PCDHGA1: variants seen among roughly 807,000 people sequenced by gnomAD.
The protein encoded by PCDHGA1 is protocadherin gamma-A1.
A neutral mutation model predicts 58.0 loss-of-function variants in PCDHGA1; 32 were observed. That is an observed-to-expected ratio of 0.55 (90% CI 0.42 to 0.74). The LOEUF (loss-of-function observed/expected upper bound fraction) is 0.74. PCDHGA1 is among the 30% of genes least tolerant of loss of function. PCDHGA1 has a pLI of 0.00. For missense variants in PCDHGA1, 1,205 were observed against 1,182.3 expected (o/e 1.02, Z -0.28); for synonymous variants, 498 against 501.1 (o/e 0.99, Z 0.08).
At position 141,390,470 on chromosome 5, in the gene PCDHGA1, G is replaced by A; in HGVS notation, c.2421+57365G>A. On this transcript the variant is annotated intron_variant, in intron 1 of 3. Transcript: ENST00000517417. ...AGGAGTAAAGTAGGAGCAATTGTGTGGCCCAACATTTGTTTGTTTTTTAGC... is the reference window on the plus strand; with the variant it reads ...AGGAGTAAAGTAGGAGCAATTGTGTAGCCCAACATTTGTTTGTTTTTTAGC... 4.3e-6 allele frequency: 3 copies of A among 699,244 alleles called. No individual in the cohort carries two copies. In the South Asian group the frequency reaches 6.0e-5, roughly 14 times the overall value. The allele number at this position is 699,244 out of a possible 1,614,324, so 43.3% of individuals were successfully genotyped here.
At chr5:141,344,593 A>AG in intron 1 of PCDHGA1, 2 of 1,613,956 alleles carry the variant, frequency 1.2e-6, no homozygotes, top group South Asian at 2.2e-5. Context: ...AGCGTCTCTG[A>AG]GGGGGCCAAG....
intron 1 of PCDHGA1, chr5:141,422,357 C>G: frequency 6.4e-7 from 1 of 1,557,656 alleles, no homozygotes; most frequent in African/African-American, 1.4e-5. Flanking sequence ...GATCAAGATT[C>G]TGGAGAAAAT....
In PCDHGA1 at chr5:141,374,403, A is replaced by G. The variant is rs201390749; in HGVS notation, c.2421+41298A>G. 6.2e-4 allele frequency: 999 copies of G among 1,613,916 alleles called. 2 individuals are homozygous for G. Among genetic ancestry groups the G allele is most frequent in the Non-Finnish European group, 8.1e-4 (961 of 1,179,908 alleles). ...AGCCCGCGGTGTCTGGTGAGTTTTA[A>G]CATCCTTGTCGAGGATAAACTGAAT... On this transcript the variant is annotated intron_variant, in intron 1 of 3. Coordinates refer to ENST00000517417, the MANE Select transcript of PCDHGA1 (RefSeq NM_018912.3).
At chr5:141,333,203 C>G in intron 1 of PCDHGA1, 98 bp downstream of exon 1, 2 of 1,543,816 alleles carry the variant, frequency 1.3e-6, no homozygotes. Flanking sequence ...TTCTTCTAAC[C>G]CATGTATCTT....
intron 1 of PCDHGA1, among the ~76,000 whole-genome samples, chr5:141,492,869 A>G (rs975868829): frequency 6.6e-6 from 1 of 152,010 alleles, no homozygotes; most frequent in African/African-American, 2.4e-5. Context: ...CTGGCTCTCA[A>G]CCCCCAGAGA....
Position 141,491,248 on chromosome 5 carries a change from G to T in PCDHGA1, c.2422-3559G>T, listed in dbSNP as rs757712577. On this transcript the variant is annotated intron_variant, in intron 1 of 3. Transcript: ENST00000517417. The surrounding 1 kb of genome is among the most constrained non-coding windows in gnomAD (Gnocchi z 6.9). ...AGTGCTGCTGGTTCTGGAGGATGAG[G>T]ACCCTGAGGAAATGCCCAAATCCAG... 3 of 1,614,170 alleles carry T rather than the reference G, an allele frequency of 1.9e-6. No individual in the cohort carries two copies. Among genetic ancestry groups the T allele is most frequent in the Non-Finnish European group, 2.5e-6 (3 of 1,180,018 alleles).
intron 1 of PCDHGA1, chr5:141,400,205 C>CCACCACCA: frequency 6.2e-7 from 1 of 1,614,016 alleles, no homozygotes; most frequent in South Asian, 1.1e-5. Flanking sequence ...GTGGCCTTGG[C>CCACCACCA]CTTGATCTCA....
In PCDHGA1 at chr5:141,494,634, T is replaced by C. The variant is rs917243803; in HGVS notation, c.2422-173T>C. The C allele has an allele frequency of 1.1e-5, 10 of 889,216 alleles. No individual in the cohort carries two copies. In the African/African-American group the frequency reaches 1.8e-4, roughly 16 times the overall value. 55.1% of individuals were successfully genotyped at this position (889,216 alleles called of 1,614,324 possible). A position where few individuals can be genotyped will look rare whatever the true frequency, so the allele number is the denominator to read the frequency against. On this transcript the variant is annotated intron_variant, in intron 1 of 3. Coordinates refer to ENST00000517417, the MANE Select transcript of PCDHGA1 (RefSeq NM_018912.3). ...CTTGGTTTCTGGTACCTCAGACCTC[T>C]GAGACCTGAGGTGTATTTTGTCTTT...
At chr5:141,395,004 A>T (rs2093147678) in intron 1 of PCDHGA1, 3 of 1,614,010 alleles carry the variant, frequency 1.9e-6, no homozygotes, top group Non-Finnish European at 2.5e-6. Context: ...TTCCGGTGGC[A>T]GATTGGTAGG....
At chr5:141,375,150 T>C in intron 1 of PCDHGA1, 3 of 1,613,946 alleles carry the variant, frequency 1.9e-6, no homozygotes, top group Non-Finnish European at 2.5e-6. Flanking sequence ...AGCAGAACAA[T>C]TGCTGAAAGT....
Position 141,443,253 on chromosome 5 carries a change from G to A in PCDHGA1, c.2422-51554G>A, listed in dbSNP as rs192939862. 1.8e-4 allele frequency among the ~76,000 whole-genome samples: 28 copies of A among 152,214 alleles called. No individual in the cohort carries two copies. The Middle Eastern group carries it at 0.014, about 74-fold the overall frequency. On this transcript the variant is annotated intron_variant, in intron 1 of 3. Transcript: ENST00000517417. Reference sequence around the variant, plus strand: ...CTTAGCACTTTGGGGCGCCAAGGCGGGTGGATCACTTGAGCCCAGGAGTTT... The same window carrying A: ...CTTAGCACTTTGGGGCGCCAAGGCGAGTGGATCACTTGAGCCCAGGAGTTT...
intron 1 of PCDHGA1, among the ~76,000 whole-genome samples, chr5:141,343,513 G>T (rs1049958686): frequency 6.6e-5 from 10 of 152,296 alleles, no homozygotes; most frequent in Middle Eastern, 3.4e-3. Context: ...GGTCCTTACG[G>T]CCAGTTCTTT....
intron 1 of PCDHGA1, chr5:141,428,129 C>T (rs1449809875): frequency 1.2e-6 from 2 of 1,603,336 alleles, no homozygotes; most frequent in Non-Finnish European, 1.7e-6. Context: ...CCGGGCTTTT[C>T]AGCCTGGGGC....
chr5:141,379,424 G>C (rs1775590923), intron 1 of PCDHGA1: 1 of 152,218 alleles, frequency 6.6e-6, no homozygotes, highest in Non-Finnish European at 1.5e-5. Context: ...TCATGAGTTA[G>C]ATGGGCTGTT....
At chr5:141,405,104 C>A in intron 1 of PCDHGA1, 3 of 1,613,940 alleles carry the variant, frequency 1.9e-6, no homozygotes, top group Non-Finnish European at 2.5e-6. Flanking sequence ...CAGGCTGAGG[C>A]ACTGGCACTC....
At chr5:141,383,963 C>G (rs967868907) in intron 1 of PCDHGA1, 1 of 1,613,480 alleles carries the variant, frequency 6.2e-7, no homozygotes, top group South Asian at 1.1e-5. Flanking sequence ...TTAAGTAGCT[C>G]AATCCCTGAA....
intron 1 of PCDHGA1, among the ~76,000 whole-genome samples, chr5:141,348,363 C>T (rs1416750099): frequency 6.6e-6 from 1 of 152,072 alleles, no homozygotes; most frequent in East Asian, 1.9e-4. Context: ...GAGCCTAGGA[C>T]TTTGAGACCT....
rs1004176028 is a variant in PCDHGA1 at position 141,477,025 on chromosome 5, G to A, written c.2422-17782G>A. On this transcript the variant is annotated intron_variant, in intron 1 of 3. Transcript: ENST00000517417. This position sits in a 1 kb window ranked among gnomAD's most constrained non-coding sequence, Gnocchi z 4.9. ...TCGCCTTAGACCTTGTAACCGGGATGCTGACAATCAAGGGTCGGCTGGACT... is the reference window on the plus strand; with the variant it reads ...TCGCCTTAGACCTTGTAACCGGGATACTGACAATCAAGGGTCGGCTGGACT... 10 of 1,614,146 alleles carry A rather than the reference G, an allele frequency of 6.2e-6. No homozygotes were observed. Among genetic ancestry groups the A allele is most frequent in the East Asian group, 2.2e-5 (1 of 44,888 alleles).
chr5:141,433,283 T>A, intron 1 of PCDHGA1: 1 of 1,183,074 alleles, frequency 8.5e-7, no homozygotes, highest in Non-Finnish European at 1.2e-6. Flanking sequence ...AGCCTCAAAC[T>A]CCTAGGCTCA....
Sources: allele counts gnomAD v4.1 joint callset (sites outside exome capture counted in the v4.1 genomes callset), GRCh38; gene constraint gnomAD v4.1.1; non-coding constraint Gnocchi (gnomAD v3.1); transcripts MANE v1.5; gene names NCBI Gene and HGNC (gene_info 2026-07-23, HGNC 2026-07-21).